The following ADAMTS12 variants were observed in gnomAD, a reference collection of about 807,000 sequenced individuals.
ADAMTS12 encodes the protein ADAM metallopeptidase with thrombospondin type 1 motif 12.
ADAMTS12 carries 118 observed loss-of-function variants against 167.8 expected under a neutral mutation model. The observed-to-expected ratio is 0.70, with a 90% CI of 0.61 to 0.82. The LOEUF is 0.82. ADAMTS12 is among the 40% of genes least tolerant of loss of function. The probability of loss-of-function intolerance (pLI) is 0.00; values close to 1 mark genes in which losing one functional copy is unlikely to be tolerated. For synonymous variants in ADAMTS12, 704 were observed against 716.9 expected (o/e 0.98, Z 0.29); for missense variants, 1,916 against 1,998.8 (o/e 0.96, Z 0.79).
chr5:33,583,787 C>T (rs975868270), intron 18 of ADAMTS12, among the ~76,000 whole-genome samples: 9 of 152,104 alleles, frequency 5.9e-5, no homozygotes, highest in African/African-American at 2.2e-4. Context: ...CATTAGTATG[C>T]CTTCTTTTGA....
At chr5:33,819,929 C>T (rs2112500417) in intron 2 of ADAMTS12, among the ~76,000 whole-genome samples, 1 of 152,254 alleles carries the variant, frequency 6.6e-6, no homozygotes, top group East Asian at 1.9e-4. Context: ...TCTCCATCCT[C>T]TTGCTGCCAT....
chr5:33,757,782 T>C (rs1024937365), intron 2 of ADAMTS12, among the ~76,000 whole-genome samples: 2 of 152,230 alleles, frequency 1.3e-5, no homozygotes, highest in Non-Finnish European at 2.9e-5. Context: ...ATCTGTAAGA[T>C]GGGGCAAAAT....
chr5:33,712,600 A>G (rs760127481), intron 3 of ADAMTS12, among the ~76,000 whole-genome samples: 7 of 152,092 alleles, frequency 4.6e-5, no homozygotes, highest in Non-Finnish European at 1.0e-4. Flanking sequence ...AGGTGGAGAA[A>G]AGAGTTGGTG....
chr5:33,638,640 C>T (rs533636919), intron 11 of ADAMTS12, among the ~76,000 whole-genome samples: 12 of 152,148 alleles, frequency 7.9e-5, no homozygotes, highest in Non-Finnish European at 1.6e-4. Flanking sequence ...TCTTCAGTGA[C>T]ACTTTGTGTG....
chr5:33,796,662 T>C (rs1013417685), intron 2 of ADAMTS12, among the ~76,000 whole-genome samples: 7 of 152,150 alleles, frequency 4.6e-5, no homozygotes, highest in South Asian at 2.1e-4. Flanking sequence ...ACCATTTACA[T>C]ACCAGCATGG....
chr5:33,796,549 T>C (rs1313045593), intron 2 of ADAMTS12, among the ~76,000 whole-genome samples: 1 of 152,222 alleles, frequency 6.6e-6, no homozygotes, highest in African/African-American at 2.4e-5. Flanking sequence ...TATAGGCAGA[T>C]GGAGAGCTGA....
intron 18 of ADAMTS12, among the ~76,000 whole-genome samples, chr5:33,583,279 A>G (rs1300552018): frequency 6.6e-6 from 1 of 152,190 alleles, no homozygotes; most frequent in African/African-American, 2.4e-5. Flanking sequence ...TTCACTTCAC[A>G]TAATGATCTC....
chr5:33,831,147 A>G (rs1466061754), intron 2 of ADAMTS12, among the ~76,000 whole-genome samples: 4 of 152,198 alleles, frequency 2.6e-5, no homozygotes, highest in African/African-American at 9.7e-5. Flanking sequence ...ACAATAGAGA[A>G]TATTTACTAT....
chr5:33,705,692 C>A (rs1248153246), intron 3 of ADAMTS12, among the ~76,000 whole-genome samples: 2 of 151,612 alleles, frequency 1.3e-5, no homozygotes, highest in Non-Finnish European at 2.9e-5. Context: ...CACCTGTAGT[C>A]CAGCTATTTG....
At chr5:33,575,806 G>A (rs954724039) in intron 19 of ADAMTS12, among the ~76,000 whole-genome samples, 6 of 152,148 alleles carry the variant, frequency 3.9e-5, no homozygotes, top group African/African-American at 1.4e-4. Context: ...GTTGGGTCAG[G>A]TAGAATCAGA....
intron 3 of ADAMTS12, among the ~76,000 whole-genome samples, chr5:33,702,708 T>A (rs781176306): frequency 1.8e-4 from 28 of 152,280 alleles, no homozygotes; most frequent in Middle Eastern, 6.8e-3. Context: ...TTTTTTTCAT[T>A]GACAAAACCT....
intron 12 of ADAMTS12, among the ~76,000 whole-genome samples, chr5:33,637,183 T>C (rs1740236279): frequency 6.6e-6 from 1 of 152,180 alleles, no homozygotes; most frequent in South Asian, 2.1e-4. Flanking sequence ...AGCCTTTTTT[T>C]TGCAATTACT....
intron 2 of ADAMTS12, among the ~76,000 whole-genome samples, chr5:33,798,598 G>T (rs1002627094): frequency 1.3e-5 from 2 of 151,888 alleles, no homozygotes; most frequent in African/African-American, 2.4e-5. Context: ...CCACCATTAT[G>T]CCTGGCTAAT....
rs114715587 is a variant in ADAMTS12 at position 33,556,278 on chromosome 5, C to A, written c.4125+4749G>T. Among the ~76,000 whole-genome samples the A allele has an allele frequency of 1.4e-3, 210 of 152,288 alleles. 1 individual carries two copies. Among genetic ancestry groups the A allele is most frequent in the African/African-American group, 4.8e-3 (199 of 41,564 alleles). ...GTTATCATGCCAGATACATCTGATT[C>A]CAAGTCAGACCCCTCTGGGATTCAA... is the stretch of plus-strand genomic sequence containing the variant. On this transcript the variant is annotated intron_variant, in intron 20 of 23. Transcript: ENST00000504830.
At chr5:33,546,426 T>C (rs1191689248) in intron 21 of ADAMTS12, among the ~76,000 whole-genome samples, 1 of 151,986 alleles carries the variant, frequency 6.6e-6, no homozygotes, top group East Asian at 1.9e-4. Flanking sequence ...GAAATATTGA[T>C]GAAGCAAATC....
At chr5:33,709,896 T>A (rs539544895) in intron 3 of ADAMTS12, among the ~76,000 whole-genome samples, 93 of 152,082 alleles carry the variant, frequency 6.1e-4, no homozygotes, top group Admixed American at 1.1e-3. Flanking sequence ...AAATCCAATC[T>A]ACCATGAAAA....
intron 2 of ADAMTS12, among the ~76,000 whole-genome samples, chr5:33,871,455 T>A (rs2111736482): frequency 6.6e-6 from 1 of 152,214 alleles, no homozygotes; most frequent in Non-Finnish European, 1.5e-5. Context: ...AAAATCCTTT[T>A]AAAAATATTA....
In ADAMTS12 at chr5:33,561,145, C is replaced by A. The variant is rs556331856; in HGVS notation, c.4007G>T (p.Arg1336Ile). Residue 1336 changes from arginine to isoleucine, a missense_variant, in exon 20 of 24, where the codon AGA becomes ATA. Transcript: ENST00000504830. ...CATCTGGGTGCTGCACTCCACCCTT[C>A]TCCAGTAGGCCCCCAGGCCACATGT... ...STTCGLGAYW[R>I]RVECSTQMDS... 6.2e-7 allele frequency: 1 copy of A among 1,614,028 alleles called. No homozygotes were observed.
chr5:33,762,515 A>AC (rs1745394848), intron 2 of ADAMTS12, among the ~76,000 whole-genome samples: 1 of 152,092 alleles, frequency 6.6e-6, no homozygotes, highest in African/African-American at 2.4e-5. Context: ...CTCAAAAAAA[A>AC]ATAAATAAAT....
Sources: gnomAD v4.1 joint callset for allele counts (sites outside exome capture counted in the v4.1 genomes callset) on GRCh38, gnomAD v4.1.1 for gene constraint, MANE v1.5 for transcripts, NCBI Gene and HGNC (gene_info 2026-07-23, HGNC 2026-07-21) for gene names.